The following EBF3 variants were observed in gnomAD, a reference collection of about 807,000 sequenced individuals.
The protein encoded by EBF3 is EBF transcription factor 3.
Under a neutral mutation model 77.1 loss-of-function variants are expected in EBF3, and 18 were observed. The observed-to-expected ratio is 0.23, with a 90% CI of 0.16 to 0.35. The LOEUF (loss-of-function observed/expected upper bound fraction) is 0.35. Among genes scored for constraint, EBF3 ranks in the 10% least tolerant of loss-of-function variants. The pLI, the probability that EBF3 is intolerant of heterozygous loss-of-function variation, is 1.00. For synonymous variants in EBF3, 350 were observed against 343.5 expected (o/e 1.02, Z -0.21); for missense variants, 558 against 860.0 (o/e 0.65, Z 4.39).
Position 129,840,852 on chromosome 10 carries a change from G to C in EBF3, c.1553C>G (p.Pro518Arg). 6.2e-7 allele frequency: 1 copy of C among 1,613,220 alleles called. No homozygotes were observed. Among genetic ancestry groups the C allele is most frequent in the Non-Finnish European group, 8.5e-7 (1 of 1,179,468 alleles). The change falls in exon 14 of 17, where the codon CCC (proline) becomes CGC (arginine). Residue 518 changes from proline (P) to arginine (R), a missense_variant. Coordinates refer to ENST00000440978, the MANE Select transcript of EBF3 (RefSeq NM_001375380.1). ...GFLNGSSANS[P>R]YGIVPSSPTM... is the part of the protein sequence containing the mutation. The stretch of plus-strand genomic sequence containing the variant: ...CAAAAACAGACACTTACTGCCGTAG[G>C]GAGAGTTAGCGGAGGAGCCATTAAG...
chr10:129,838,821 TATTA>T (rs1425006741), intron 16 of EBF3, among the ~76,000 whole-genome samples: 1 of 152,262 alleles, frequency 6.6e-6, no homozygotes, highest in Non-Finnish European at 1.5e-5. Flanking sequence ...ATTTCAACAA[TATTA>T]ATTTATCTCC....
rs1481681435 is a variant in EBF3, at chr10:129,952,980, G to A, written c.554+4278C>T. ...TCAGTGAGCAGGACTGCCAGCAAAG[G>A]TCGGCTCTCTTTGACCTTTGTGACA... is the stretch of plus-strand genomic sequence containing the variant. On this transcript the variant is annotated intron_variant, in intron 6 of 16. Coordinates refer to ENST00000440978, the MANE Select transcript of EBF3 (RefSeq NM_001375380.1). The surrounding 1 kb of genome is among the most constrained non-coding windows in gnomAD (Gnocchi z 4.7). Among the ~76,000 whole-genome samples the A allele has an allele frequency of 1.3e-5, 2 of 150,834 alleles. No individual in the cohort carries two copies. The highest frequency in any genetic ancestry group is 4.9e-5 in the African/African-American group (2 of 40,922).
intron 6 of EBF3, among the ~76,000 whole-genome samples, chr10:129,887,314 C>G (rs1391847666): frequency 6.6e-6 from 1 of 152,192 alleles, no homozygotes; most frequent in Non-Finnish European, 1.5e-5. Context: ...ATCATTTTAT[C>G]GCTAATGTAT....
At position 129,964,224 on chromosome 10, in the gene EBF3, G is replaced by T; in HGVS notation, c.-456C>A. The T allele has an allele frequency of 2.0e-6, 2 of 984,960 alleles. No individual in the cohort carries two copies. Among genetic ancestry groups the T allele is most frequent in the Non-Finnish European group, 1.2e-6 (1 of 829,782 alleles). 61.0% of individuals were successfully genotyped at this position (984,960 alleles called of 1,614,324 possible). A position where few individuals can be genotyped will look rare whatever the true frequency, so the allele number is the denominator to read the frequency against. ...GGGGCGCGGCGGGGCCTGGAGCGGC[G>T]CGCGCAGCGGACGGAGGCGCACAAA... On this transcript the variant is annotated 5_prime_UTR_variant, in exon 1 of 17. Transcript: ENST00000440978. The surrounding 1 kb of genome is among the most constrained non-coding windows in gnomAD (Gnocchi z 4.5).
At chr10:129,950,925 T>C (rs1379623224) in intron 6 of EBF3, among the ~76,000 whole-genome samples, 2 of 152,236 alleles carry the variant, frequency 1.3e-5, no homozygotes, top group Non-Finnish European at 2.9e-5. Context: ...TACCCCCACT[T>C]GTCAATCACT....
intron 6 of EBF3, among the ~76,000 whole-genome samples, chr10:129,921,677 G>A (rs1358443598): frequency 1.3e-5 from 2 of 152,206 alleles, no homozygotes; most frequent in Non-Finnish European, 2.9e-5. Context: ...AAGAACTGCT[G>A]CCCGTCCTGA....
At position 129,835,276 on chromosome 10, in the gene EBF3, C is replaced by T. The variant is rs551593024; in HGVS notation, c.*2667G>A. ...AATAATCAAAAACAGAGAAAATTAC[C>T]AAAAGTGAAATTCACAGACAAGAAA... On this transcript the variant is annotated 3_prime_UTR_variant, in exon 17 of 17. Transcript: ENST00000440978. The T allele has an allele frequency of 6.6e-6, 1 of 152,294 alleles. No individual in the cohort carries two copies. The highest frequency in any genetic ancestry group is 1.5e-5 in the Non-Finnish European group (1 of 67,984). 9.4% of individuals were successfully genotyped at this position (152,294 alleles called of 1,614,324 possible). A position where few individuals can be genotyped will look rare whatever the true frequency, so the allele number is the denominator to read the frequency against.
rs11017025 is a variant in EBF3, at chr10:129,942,928, G to A, written c.554+14330C>T. ...TTTGAAGCCAGTTGCCAGATCACGC[G>A]TTGACATTAATTCAGCAGACCTAGG... On this transcript the variant is annotated intron_variant, in intron 6 of 16. Transcript: ENST00000440978. 2.9e-3 allele frequency among the ~76,000 whole-genome samples: 435 copies of A among 152,274 alleles called. 2 individuals carry two copies. Among genetic ancestry groups the A allele is most frequent in the Admixed American group, 4.4e-3 (67 of 15,300 alleles).
intron 6 of EBF3, among the ~76,000 whole-genome samples, chr10:129,939,609 C>T (rs1857590797): frequency 6.6e-6 from 1 of 152,240 alleles, no homozygotes; most frequent in Non-Finnish European, 1.5e-5. Context: ...CACTCTGCCA[C>T]AACGTCTGCG....
intron 10 of EBF3, among the ~76,000 whole-genome samples, chr10:129,860,994 G>A (rs1851593616): frequency 6.6e-6 from 1 of 152,240 alleles, no homozygotes; most frequent in Non-Finnish European, 1.5e-5. Flanking sequence ...AGCACAAACG[G>A]TGTGTCTCAT....
intron 6 of EBF3, among the ~76,000 whole-genome samples, chr10:129,915,834 G>A (rs992553191): frequency 3.3e-5 from 5 of 152,222 alleles, no homozygotes; most frequent in African/African-American, 1.2e-4. Flanking sequence ...AGAAGGGGCT[G>A]GCAGAGGGGG....
Position 129,963,397 on chromosome 10 carries a change from G to T in EBF3, c.261C>A (p.Thr87=). ...CTTTCTCCACAAAGTCCACAAAAGC[G>T]GTCCTTTCAATCTCCACCGGCTGCC... ...RQGQPVEIER[T]AFVDFVEKEK... Residue 87 remains threonine, a synonymous_variant, in exon 2 of 17, where the codon ACC becomes ACA. Coordinates refer to ENST00000440978, the MANE Select transcript of EBF3 (RefSeq NM_001375380.1). This position sits in a 1 kb window ranked among gnomAD's most constrained non-coding sequence, Gnocchi z 7.1. The T allele has an allele frequency of 6.3e-7, 1 of 1,590,000 alleles. No individual in the cohort carries two copies. The highest frequency in any genetic ancestry group is 8.6e-7 in the Non-Finnish European group (1 of 1,168,258).
At chr10:129,844,151 T>G (rs1850286921) in intron 11 of EBF3, among the ~76,000 whole-genome samples, 2 of 152,138 alleles carry the variant, frequency 1.3e-5, no homozygotes, top group African/African-American at 4.8e-5. Flanking sequence ...AGAGAAAAAT[T>G]CCCTGGGTGG....
At chr10:129,900,380 A>G (rs1854693688) in intron 6 of EBF3, among the ~76,000 whole-genome samples, 1 of 152,008 alleles carries the variant, frequency 6.6e-6, no homozygotes, top group Admixed American at 6.5e-5. Flanking sequence ...TTATAACCTA[A>G]GAGCAAGGAT....
intron 10 of EBF3, among the ~76,000 whole-genome samples, chr10:129,866,864 C>T (rs1199104462): frequency 3.3e-5 from 5 of 152,220 alleles, no homozygotes; most frequent in Non-Finnish European, 7.3e-5. Context: ...AATGACTCCC[C>T]CTGCCACTTT....
chr10:129,892,406 G>T (rs1169157101), intron 6 of EBF3, among the ~76,000 whole-genome samples: 1 of 152,226 alleles, frequency 6.6e-6, no homozygotes, highest in Non-Finnish European at 1.5e-5. Flanking sequence ...GGAGCCAAGT[G>T]CAATGAGCTG....
intron 6 of EBF3, 67 bp from the exon 7 acceptor site, chr10:129,877,916 G>A: frequency 7.6e-7 from 1 of 1,317,336 alleles, no homozygotes; most frequent in East Asian, 2.5e-5. Context: ...CTTTTTAAAA[G>A]ACACTCTTGC....
intron 6 of EBF3, among the ~76,000 whole-genome samples, chr10:129,951,607 G>A (rs1179681105): frequency 6.6e-6 from 1 of 152,260 alleles, no homozygotes; most frequent in Non-Finnish European, 1.5e-5. Context: ...TGGCGGTGGA[G>A]TCTTTACCCA....
intron 6 of EBF3, among the ~76,000 whole-genome samples, chr10:129,906,331 CCACAGTTTT>C (rs1855140657): frequency 6.6e-6 from 1 of 152,160 alleles, no homozygotes; most frequent in Non-Finnish European, 1.5e-5. Flanking sequence ...TGTTCGTCTC[CCACAGTTTT>C]CACAGCATTG....
Sources: allele counts gnomAD v4.1 joint callset (sites outside exome capture counted in the v4.1 genomes callset), GRCh38; gene constraint gnomAD v4.1.1; non-coding constraint Gnocchi (gnomAD v3.1); transcripts MANE v1.5; gene names NCBI Gene and HGNC (gene_info 2026-07-23, HGNC 2026-07-21).